LHX9: variants seen among roughly 807,000 people sequenced by gnomAD.
LHX9 encodes the protein LIM homeobox 9, also known as LIM/homeobox protein Lhx9.
A neutral mutation model predicts 36.5 loss-of-function variants in LHX9; 9 were observed. The ratio of observed to expected loss-of-function variants is 0.25; its 90% CI spans 0.15 to 0.43. LHX9 has a LOEUF of 0.43. Among genes scored for constraint, LHX9 ranks in the 20% least tolerant of loss-of-function variants. The pLI is 1.00. For missense variants in LHX9, 464 were observed against 526.4 expected, an observed-to-expected ratio of 0.88 and a Z score of 1.16; for synonymous variants, 211 against 212.1, an observed-to-expected ratio of 0.99 and a Z score of 0.04.
intron 3 of LHX9, among the ~76,000 whole-genome samples, chr1:197,926,806 G>A (rs1660155592): frequency 6.6e-6 from 1 of 152,180 alleles, no homozygotes; most frequent in Admixed American, 6.5e-5. Context: ...GTGAAGGGAA[G>A]TCTGGGCTCA....
chr1:197,929,745 C>T lies in LHX9; in HGVS notation c.*486C>T, dbSNP rs1660273808. 3 of 947,674 alleles carry T rather than the reference C, an allele frequency of 3.2e-6. No individual in the cohort carries two copies. The highest frequency in any genetic ancestry group is 3.5e-5 in the African/African-American group (2 of 56,436). The allele number at this position is 947,674 out of a possible 1,614,324, so 58.7% of individuals were successfully genotyped here. On this transcript the variant is annotated 3_prime_UTR_variant, in exon 5 of 5. Coordinates refer to ENST00000367387, the MANE Select transcript of LHX9 (RefSeq NM_020204.3). ...TTTGAAAACGTTACATTTTTTAAAT[C>T]TTAAAACTGAAAACTTGTTTTTAGT...
rs777777620 is a variant in LHX9, at chr1:197,927,769, A to G, written c.912A>G (p.Thr304=). ...AKDLKQLAQK[T]GLTKRVLQVW... is the part of the protein sequence containing the mutation. ...ACCTCAAGCAGCTTGCCCAGAAAAC[A>G]GGTCTGACCAAAAGAGTTTTGCAGG... Residue 304 remains threonine (T), a synonymous_variant, in exon 4 of 5, where the codon ACA becomes ACG. Transcript: ENST00000367387. 8.7e-6 allele frequency: 14 copies of G among 1,614,246 alleles called. 1 individual carries two copies. In the South Asian group the frequency reaches 1.4e-4, roughly 16 times the overall value.
intron 3 of LHX9, among the ~76,000 whole-genome samples, chr1:197,924,845 G>A (rs1308016116): frequency 6.6e-6 from 1 of 152,206 alleles, no homozygotes; most frequent in Non-Finnish European, 1.5e-5. Context: ...TATAATACTG[G>A]ATGTGAACTG....
chr1:197,921,720 C>A lies in LHX9; in HGVS notation c.733+61C>A. 1 of 1,353,780 alleles carries A rather than the reference C, an allele frequency of 7.4e-7. No homozygotes were observed. Among genetic ancestry groups the A allele is most frequent in the Non-Finnish European group, 9.9e-7 (1 of 1,007,114 alleles). 83.9% of individuals were successfully genotyped at this position (1,353,780 alleles called of 1,614,324 possible). A position where few individuals can be genotyped will look rare whatever the true frequency, so the allele number is the denominator to read the frequency against. On this transcript the variant is annotated intron_variant, in intron 3 of 4. Transcript: ENST00000367387. This position sits in a 1 kb window ranked among gnomAD's most constrained non-coding sequence, Gnocchi z 4.6. ...GCCTCCCTGAGGAAAATTCGTAGAG[C>A]TCCTTCCCCGTCCAAAGTCTTGCTG...
chr1:197,932,105 A>C lies in LHX9; in HGVS notation c.*2846A>C. 1 of 631,632 alleles carries C rather than the reference A, an allele frequency of 1.6e-6. No homozygotes were observed. 39.1% of individuals were successfully genotyped at this position (631,632 alleles called of 1,614,324 possible). Reference sequence around the variant, plus strand: ...AAAAAAGAGAGAGAGAGAGACTTAAATGTCATTTACTGAATGTTAACGAAA... The same window carrying C: ...AAAAAAGAGAGAGAGAGAGACTTAACTGTCATTTACTGAATGTTAACGAAA... On this transcript the variant is annotated 3_prime_UTR_variant, in exon 5 of 5. Coordinates refer to ENST00000367387, the MANE Select transcript of LHX9 (RefSeq NM_020204.3).
rs1282983991 is a variant in LHX9, at chr1:197,933,449, T to C, written c.*4190T>C. 6.6e-6 allele frequency: 1 copy of C among 152,170 alleles called. No individual in the cohort carries two copies. Among genetic ancestry groups the C allele is most frequent in the Non-Finnish European group, 1.5e-5 (1 of 68,018 alleles). The allele number at this position is 152,170 out of a possible 1,614,324, so 9.4% of individuals were successfully genotyped here. A position where few individuals can be genotyped will look rare whatever the true frequency, so the allele number is the denominator to read the frequency against. On this transcript the variant is annotated 3_prime_UTR_variant, in exon 5 of 5. Coordinates refer to ENST00000367387, the MANE Select transcript of LHX9 (RefSeq NM_020204.3). ...GCTGGTTTTGTCAGTAACTTGAATG[T>C]TTATGCCTCATTGAAACCTCATCCA...
chr1:197,929,329 T>A lies in LHX9; in HGVS notation c.*70T>A. The A allele has an allele frequency of 8.5e-7, 1 of 1,182,324 alleles. No individual in the cohort carries two copies. The highest frequency in any genetic ancestry group is 1.1e-6 in the Non-Finnish European group (1 of 941,594). 73.2% of individuals were successfully genotyped at this position (1,182,324 alleles called of 1,614,324 possible). ...TATTATTATTCTAATTATTATTATT[T>A]TATTATTTACAAGACTTTTTTTTTC... On this transcript the variant is annotated 3_prime_UTR_variant, in exon 5 of 5. Coordinates refer to ENST00000367387, the MANE Select transcript of LHX9 (RefSeq NM_020204.3).
chr1:197,914,752 T>G (rs534326609), upstream of LHX9, among the ~76,000 whole-genome samples: 11 of 152,226 alleles, frequency 7.2e-5, no homozygotes, highest in African/African-American at 2.6e-4. Context: ...TTCTCCAGAC[T>G]TCCTGCGTTC....
upstream of LHX9, among the ~76,000 whole-genome samples, chr1:197,914,081 T>C (rs777278717): frequency 5.3e-5 from 8 of 152,172 alleles, no homozygotes; most frequent in Admixed American, 2.0e-4. Context: ...TTCCAACTAT[T>C]ATGCTCCACT....
At chr1:197,915,183 G>A (rs548313593), upstream of LHX9, among the ~76,000 whole-genome samples, 10 of 152,348 alleles carry the variant, frequency 6.6e-5, no homozygotes, top group Non-Finnish European at 1.2e-4. Context: ...TTTGGGGGTT[G>A]GGAGAGGTTT....
Position 197,917,793 on chromosome 1 carries a change from C to A in LHX9, c.-31C>A. 1 of 1,614,048 alleles carries A rather than the reference C, an allele frequency of 6.2e-7. No individual in the cohort carries two copies. The highest frequency in any genetic ancestry group is 1.1e-5 in the South Asian group (1 of 91,070). On this transcript the variant is annotated 5_prime_UTR_variant, in exon 1 of 5. Coordinates refer to ENST00000367387, the MANE Select transcript of LHX9 (RefSeq NM_020204.3). Reference sequence around the variant, plus strand: ...TCTCTGGTCCCTTGCCTCCTTCACTCGGATGAGCTGAAAGCCCCGGGCGTG... The same window carrying A: ...TCTCTGGTCCCTTGCCTCCTTCACTAGGATGAGCTGAAAGCCCCGGGCGTG...
In LHX9 at chr1:197,931,274, C is replaced by T. The variant is rs1405429926; in HGVS notation, c.*2015C>T. ...CATAGAAAGCAGTTGTGCACTCTTT[C>T]AAATATAGTTGATAAATTCAATAAT... On this transcript the variant is annotated 3_prime_UTR_variant, in exon 5 of 5. Coordinates refer to ENST00000367387, the MANE Select transcript of LHX9 (RefSeq NM_020204.3). 70 of 152,006 alleles carry T rather than the reference C, an allele frequency of 4.6e-4. 2 individuals are homozygous for T. The highest frequency in any genetic ancestry group is 4.6e-3 in the Admixed American group (70 of 15,270). The allele number at this position is 152,006 out of a possible 1,614,324, so 9.4% of individuals were successfully genotyped here.
chr1:197,927,806 C>G lies in LHX9; in HGVS notation c.936+13C>G. On this transcript the variant is annotated intron_variant, in intron 4 of 4. Coordinates refer to ENST00000367387, the MANE Select transcript of LHX9 (RefSeq NM_020204.3). ...AAGAGTTTTGCAGGTAAGACACATG[C>G]ATCATTGACTGTGCATACATTTCCC... 1 of 1,608,326 alleles carries G rather than the reference C, an allele frequency of 6.2e-7. No individual in the cohort carries two copies. Among genetic ancestry groups the G allele is most frequent in the Non-Finnish European group, 8.5e-7 (1 of 1,174,686 alleles).
Position 197,917,812 on chromosome 1 carries a change from G to A in LHX9, c.-12G>A. The A allele has an allele frequency of 1.2e-6, 2 of 1,614,064 alleles. No homozygotes were observed. Among genetic ancestry groups the A allele is most frequent in the African/African-American group, 1.3e-5 (1 of 75,042 alleles). ...TTCACTCGGATGAGCTGAAAGCCCC[G>A]GGCGTGTGTATATGGAAATAGTGGG... is the stretch of plus-strand genomic sequence containing the variant. On this transcript the variant is annotated 5_prime_UTR_variant, in exon 1 of 5. Transcript: ENST00000367387.
Position 197,927,589 on chromosome 1 carries a change from A to G in LHX9, c.734-2A>G. ...GTTGTTTGTTCACTGTTACTGCAAC[A>G]GGTTGTAATGAGAATGAGGCAGACC... is the stretch of plus-strand genomic sequence containing the variant. On this transcript the variant is annotated splice_acceptor_variant, in intron 3 of 4. Coordinates refer to ENST00000367387, the MANE Select transcript of LHX9 (RefSeq NM_020204.3). LOFTEE classifies it high-confidence loss of function. 1.2e-6 allele frequency: 2 copies of G among 1,613,904 alleles called. No homozygotes were observed. The highest frequency in any genetic ancestry group is 1.7e-6 in the Non-Finnish European group (2 of 1,179,766).
rs1380646386 is a variant in LHX9, at chr1:197,927,641, C to A, written c.784C>A (p.Pro262Thr). Residue 262 changes from proline (P) to threonine (T), a missense_variant, in exon 4 of 5, where the codon CCA (proline) becomes ACA (threonine). Pro to Thr is a conservative substitution (Grantham distance 38). Coordinates refer to ENST00000367387, the MANE Select transcript of LHX9 (RefSeq NM_020204.3). ...CTTGGACCGGGACCAGCAGCCTTAT[C>A]CACCCTCGCAGAAGACCAAGCGCAT... ...DHLDRDQQPY[P>T]PSQKTKRMRT... 1 of 1,614,172 alleles carries A rather than the reference C, an allele frequency of 6.2e-7. No homozygotes were observed. Among genetic ancestry groups the A allele is most frequent in the South Asian group, 1.1e-5 (1 of 91,074 alleles).
At chr1:197,920,957 A>T (rs1659965511) in intron 2 of LHX9, among the ~76,000 whole-genome samples, 1 of 152,180 alleles carries the variant, frequency 6.6e-6, no homozygotes. Flanking sequence ...TAATTGATTA[A>T]GTGTTTTCAC....
At chr1:197,918,420 C>T in intron 1 of LHX9, 1 of 716,386 alleles carries the variant, frequency 1.4e-6, no homozygotes, top group Non-Finnish European at 2.6e-6. Context: ...GCCCAGGTGG[C>T]CTTAGTCTCT....
intron 1 of LHX9, chr1:197,918,438 A>T: frequency 2.8e-6 from 2 of 714,948 alleles, no homozygotes; most frequent in South Asian, 3.0e-5. Flanking sequence ...TCTGGGCCTG[A>T]TGACCGGACC....
Sources: allele counts gnomAD v4.1 joint callset (sites outside exome capture counted in the v4.1 genomes callset), GRCh38; gene constraint gnomAD v4.1.1; non-coding constraint Gnocchi (gnomAD v3.1); transcripts MANE v1.5; gene names NCBI Gene and HGNC (gene_info 2026-07-23, HGNC 2026-07-21).